RALGAPA1: variants seen among roughly 807,000 people sequenced by gnomAD.
The protein encoded by RALGAPA1 is Ral GTPase activating protein catalytic subunit alpha 1, also known as ral GTPase-activating protein subunit alpha-1.
In RALGAPA1, 52 loss-of-function variants were observed where a neutral mutation model predicts 269.6. The ratio of observed to expected loss-of-function variants is 0.19; its 90% confidence interval spans 0.15 to 0.24. The LOEUF (loss-of-function observed/expected upper bound fraction) is 0.24. RALGAPA1 is among the 10% of genes least tolerant of loss of function. RALGAPA1 has a pLI of 1.00. For missense variants in RALGAPA1, 1,917 were observed against 3,013.9 expected (o/e 0.64, Z 8.52); for synonymous variants, 817 against 1,008.3 (o/e 0.81, Z 3.60).
chr14:35,549,571 A>G (rs762959843), intron 39 of RALGAPA1, among the ~76,000 whole-genome samples: 3 of 152,124 alleles, frequency 2.0e-5, no homozygotes, highest in Non-Finnish European at 2.9e-5. Flanking sequence ...GCTGAAATTT[A>G]TATCGGCCTA....
At position 35,688,612 on chromosome 14, in the gene RALGAPA1, C is replaced by T; in HGVS notation, c.3799G>A (p.Gly1267Ser). The T allele has an allele frequency of 1.3e-6, 2 of 1,535,246 alleles. No individual in the cohort carries two copies. The highest frequency in any genetic ancestry group is 1.7e-6 in the Non-Finnish European group (2 of 1,146,732). ...GTTTTATAAACGCCACCCAGGGAGCCCTGCTGTAGTCCTGCCTCATGACTT... is the reference window on the plus strand; with the variant it reads ...GTTTTATAAACGCCACCCAGGGAGCTCTGCTGTAGTCCTGCCTCATGACTT... ...SSSHEAGLQQGSLGGVYKTVV... is the reference protein window; with the variant it reads ...SSSHEAGLQQSSLGGVYKTVV... Residue 1267 changes from glycine (G) to serine (S), a missense_variant, in exon 18 of 42, where the codon GGC becomes AGC. Physicochemically the swap from Gly to Ser is moderately conservative, Grantham distance 56. Around this residue, in one of 11 missense-constraint regions of RALGAPA1, gnomAD observed 615 missense variants for 790.0 expected, o/e 0.78. Coordinates refer to ENST00000680220, the MANE Select transcript of RALGAPA1 (RefSeq NM_001346249.2).
chr14:35,792,451 C>T (rs1313209334), intron 1 of RALGAPA1, among the ~76,000 whole-genome samples: 2 of 152,028 alleles, frequency 1.3e-5, no homozygotes, highest in Non-Finnish European at 2.9e-5. Context: ...ACCACCATGC[C>T]AGCTAGTGAC....
chr14:35,768,308 TG>T (rs1199904016), intron 4 of RALGAPA1, among the ~76,000 whole-genome samples: 1 of 152,220 alleles, frequency 6.6e-6, no homozygotes. Context: ...CTCAAACTCC[TG>T]GCCTCAAGTG....
At chr14:35,610,528 C>T (rs1412481119) in intron 35 of RALGAPA1, among the ~76,000 whole-genome samples, 1 of 152,132 alleles carries the variant, frequency 6.6e-6, no homozygotes, top group Non-Finnish European at 1.5e-5. Context: ...GTGATCCGCC[C>T]TCCTCCGTCT....
intron 35 of RALGAPA1, among the ~76,000 whole-genome samples, chr14:35,615,777 A>G (rs2060210784): frequency 1.3e-5 from 2 of 152,168 alleles, no homozygotes; most frequent in Non-Finnish European, 2.9e-5. Context: ...GCAGGAGCCA[A>G]GAAATAAAAA....
chr14:35,791,104 C>T (rs1272453484), intron 1 of RALGAPA1, among the ~76,000 whole-genome samples: 1 of 151,966 alleles, frequency 6.6e-6, no homozygotes, highest in East Asian at 1.9e-4. Flanking sequence ...GCATGCACCC[C>T]AAAACAAGAA....
At chr14:35,558,409 G>A (rs76545164) in intron 39 of RALGAPA1, among the ~76,000 whole-genome samples, 2,288 of 152,150 alleles carry the variant, frequency 0.015, 27 homozygotes, top group Non-Finnish European at 0.024. Context: ...GAATTGTGAC[G>A]ATTTTATCCA....
chr14:35,561,020 G>A (rs2056164590), intron 39 of RALGAPA1, among the ~76,000 whole-genome samples: 1 of 151,894 alleles, frequency 6.6e-6, no homozygotes. Context: ...ACGAGGTCAG[G>A]AGTTTGAGAC....
chr14:35,557,434 A>G (rs955990366), intron 39 of RALGAPA1, among the ~76,000 whole-genome samples: 2 of 152,124 alleles, frequency 1.3e-5, no homozygotes, highest in Admixed American at 6.5e-5. Flanking sequence ...AAAAAAAGTG[A>G]TTTTATTATC....
intron 33 of RALGAPA1, among the ~76,000 whole-genome samples, chr14:35,629,301 G>C (rs912704533): frequency 2.0e-5 from 3 of 151,736 alleles, no homozygotes; most frequent in African/African-American, 7.3e-5. Context: ...GTGTGTGTGT[G>C]TGTGTGTGTG....
intron 22 of RALGAPA1, chr14:35,676,901 T>C (rs1566977765): frequency 6.6e-6 from 1 of 152,258 alleles, no homozygotes; most frequent in African/African-American, 2.4e-5. Context: ...GAAACACTTC[T>C]ATAACTGAAG....
At chr14:35,744,371 C>CA (rs34442349) in intron 10 of RALGAPA1, among the ~76,000 whole-genome samples, 136,386 of 139,724 alleles carry the variant, frequency 0.98, 66,558 homozygotes, top group East Asian at 1. Context: ...GACTCCATCT[C>CA]AAAAAAAAAA....
At chr14:35,604,627 T>C (rs1594779396) in intron 36 of RALGAPA1, among the ~76,000 whole-genome samples, 2 of 152,036 alleles carry the variant, frequency 1.3e-5, no homozygotes, top group Admixed American at 1.3e-4. Flanking sequence ...ATACTCTCTA[T>C]AGCAATTTTG....
At chr14:35,601,442 A>G (rs1223583395) in intron 36 of RALGAPA1, among the ~76,000 whole-genome samples, 2 of 151,908 alleles carry the variant, frequency 1.3e-5, no homozygotes, top group African/African-American at 2.4e-5. Context: ...TCCTTACCTG[A>G]CCTTTGCTGT....
intron 1 of RALGAPA1, among the ~76,000 whole-genome samples, chr14:35,781,050 CA>C (rs536512034): frequency 4.6e-5 from 7 of 151,732 alleles, no homozygotes; most frequent in South Asian, 2.1e-4. Context: ...AGAGACCCCC[CA>C]AAAAAAATCA....
At chr14:35,694,102 A>AT (rs2066712550) in intron 17 of RALGAPA1, among the ~76,000 whole-genome samples, 1 of 152,058 alleles carries the variant, frequency 6.6e-6, no homozygotes. Context: ...AAAAAAAAAA[A>AT]GTAGCTGCTT....
rs2061611412 is a variant in RALGAPA1, at chr14:35,635,485, A to T, written c.5790T>A (p.Ser1930=). 6.3e-7 allele frequency: 1 copy of T among 1,598,974 alleles called. No homozygotes were observed. The highest frequency in any genetic ancestry group is 1.1e-5 in the South Asian group (1 of 87,300). ...TGAESDKTEK[S]VLNCIYKVLH... ...TTACCTTATAAATGCAATTGAGAACAGATTTTTCTGTTTTATCGCTTTCTG... is the reference window on the plus strand; with the variant it reads ...TTACCTTATAAATGCAATTGAGAACTGATTTTTCTGTTTTATCGCTTTCTG... The change falls in exon 32 of 42, where the codon TCT becomes TCA. Residue 1930 remains serine, a synonymous_variant. Coordinates refer to ENST00000680220, the MANE Select transcript of RALGAPA1 (RefSeq NM_001346249.2).
intron 12 of RALGAPA1, among the ~76,000 whole-genome samples, chr14:35,729,108 C>T (rs924960571): frequency 5.9e-5 from 9 of 151,992 alleles, no homozygotes; most frequent in Non-Finnish European, 1.0e-4. Flanking sequence ...AAAATAAATA[C>T]ACATAGTTTA....
chr14:35,564,180 T>A (rs1391769073), intron 39 of RALGAPA1, among the ~76,000 whole-genome samples: 1 of 152,192 alleles, frequency 6.6e-6, no homozygotes, highest in Non-Finnish European at 1.5e-5. Flanking sequence ...TTTTACTTAA[T>A]CCTTACATCA....
Sources: allele counts gnomAD v4.1 joint callset (sites outside exome capture counted in the v4.1 genomes callset), GRCh38; gene constraint gnomAD v4.1.1; regional missense constraint gnomAD v4.1.1; transcripts MANE v1.5; gene names NCBI Gene and HGNC (gene_info 2026-07-23, HGNC 2026-07-21).